KNDC1: variants seen among roughly 807,000 people sequenced by gnomAD.
The protein encoded by KNDC1 is kinase non-catalytic C-lobe domain containing 1.
A neutral mutation model predicts 172.8 loss-of-function variants in KNDC1; 106 were observed. The observed-to-expected ratio is 0.61, with a 90% CI of 0.52 to 0.72. The LOEUF (loss-of-function observed/expected upper bound fraction) is 0.72. Ranked by LOEUF, KNDC1 falls within the 30% of genes least tolerant of loss-of-function variation. KNDC1 has a pLI of 0.00. For synonymous variants in KNDC1, 1,083 were observed against 1,062.2 expected, an observed-to-expected ratio of 1.02 and a Z score of -0.38; for missense variants, 2,325 against 2,394.5, an observed-to-expected ratio of 0.97 and a Z score of 0.61.
intron 10 of KNDC1, 97 bp from the exon 11 acceptor site, chr10:133,196,961 C>A (rs1854209013): frequency 3.2e-6 from 3 of 931,022 alleles, no homozygotes; most frequent in Admixed American, 3.7e-5. Flanking sequence ...ACCCTCCTGG[C>A]AGCCCTGAGC....
intron 3 of KNDC1, among the ~76,000 whole-genome samples, chr10:133,172,857 G>T (rs1324249920): frequency 1.3e-5 from 2 of 152,172 alleles, no homozygotes; most frequent in African/African-American, 4.8e-5. Context: ...TTAAAAATTA[G>T]CCGGGCATGG....
intron 26 of KNDC1, among the ~76,000 whole-genome samples, chr10:133,218,595 G>A (rs553557692): frequency 6.6e-6 from 1 of 152,270 alleles, no homozygotes; most frequent in South Asian, 2.1e-4. Flanking sequence ...AAGTCTTTCC[G>A]CGTATCAGGC....
Position 133,204,829 on chromosome 10 carries a change from G to A in KNDC1, c.3388-1856G>A, listed in dbSNP as rs1056268309. ...ATGAGCCCCTCGGGGCGGTCGCTTC[G>A]GGCCCTGGGCACGTGAACCCCTCAC... On this transcript the variant is annotated intron_variant, in intron 17 of 29. Transcript: ENST00000304613. Among the ~76,000 whole-genome samples, 25 of 152,154 alleles carry A rather than the reference G, an allele frequency of 1.6e-4. No homozygotes were observed. In the East Asian group the frequency reaches 1.7e-3, roughly 11 times the overall value.
At chr10:133,166,857 C>T (rs1045090249) in intron 1 of KNDC1, among the ~76,000 whole-genome samples, 2 of 152,100 alleles carry the variant, frequency 1.3e-5, no homozygotes, top group African/African-American at 4.8e-5. Context: ...GCGGCCGAGC[C>T]ACATGGAGGG....
chr10:133,197,060 G>T lies in KNDC1; in HGVS notation c.1737G>T (p.Val579=). Residue 579 remains valine (V), a splice_region_variant and synonymous_variant, in exon 11 of 30, where the codon GTG becomes GTT. Coordinates refer to ENST00000304613, the MANE Select transcript of KNDC1 (RefSeq NM_152643.8). ...TGTGAACTGTCTCCTCCCTCCAGGT[G>T]TGCGGCAGCTACCTCCTCCAGCGAG... The part of the protein sequence containing the change: ...ERPSAAEAIK[V]CGSYLLQRGM... 6.2e-7 allele frequency: 1 copy of T among 1,612,804 alleles called. No individual in the cohort carries two copies.
At chr10:133,214,674 A>G (rs541959552) in intron 26 of KNDC1, among the ~76,000 whole-genome samples, 37 of 152,286 alleles carry the variant, frequency 2.4e-4, no homozygotes, top group African/African-American at 8.4e-4. Context: ...CCGAATGCTC[A>G]TTGTGGGTTC....
rs1200864778 is a variant in KNDC1, at chr10:133,184,285, T to TGC, written c.625+297_625+298dup. Among the ~76,000 whole-genome samples, 283 of 117,354 alleles carry TGC rather than the reference T, an allele frequency of 2.4e-3. 7 individuals carry two copies. Among genetic ancestry groups the TGC allele is most frequent in the African/African-American group, 6.8e-3 (228 of 33,712 alleles). The allele number at this position is 117,354 out of a possible 152,430, so 77.0% of individuals were successfully genotyped here. A position where few individuals can be genotyped will look rare whatever the true frequency, so the allele number is the denominator to read the frequency against. On this transcript the variant is annotated intron_variant, in intron 5 of 29. Coordinates refer to ENST00000304613, the MANE Select transcript of KNDC1 (RefSeq NM_152643.8). ...TACACACACCCATGCACACACACGC[T>TGC]GCACACACACCCATGCACACACTGC...
chr10:133,198,357 G>A lies in KNDC1; in HGVS notation c.1927G>A (p.Asp643Asn), dbSNP rs761476255. 17 of 1,588,924 alleles carry A rather than the reference G, an allele frequency of 1.1e-5. No homozygotes were observed. Among genetic ancestry groups the A allele is most frequent in the Middle Eastern group, 3.3e-4 (2 of 6,038 alleles). The change falls in exon 13 of 30, where the codon GAC becomes AAC. Residue 643 changes from aspartate (D) to asparagine (N), a missense_variant. By Grantham distance (23) the Asp-to-Asn change is conservative (BLOSUM62 1). Coordinates refer to ENST00000304613, the MANE Select transcript of KNDC1 (RefSeq NM_152643.8). ...PSPGFLPVNS[D>N]TGLVAVPGPV... The stretch of plus-strand genomic sequence containing the variant: ...CCCAGGCTTCCTGCCGGTGAACAGC[G>A]ACACCGGGCTTGTGGCTGTGCCAGG...
chr10:133,221,733 A>G (rs1387164367), intron 29 of KNDC1, among the ~76,000 whole-genome samples: 1 of 152,238 alleles, frequency 6.6e-6, no homozygotes, highest in African/African-American at 2.4e-5. Flanking sequence ...CCATAAATGT[A>G]TGCTTATCGT....
chr10:133,196,977 C>A, intron 10 of KNDC1, 81 bp from the exon 11 acceptor site: 2 of 1,150,586 alleles, frequency 1.7e-6, no homozygotes, highest in Non-Finnish European at 1.3e-6. Flanking sequence ...TGAGCTTTTT[C>A]AGATGGGGAC....
chr10:133,185,554 G>A (rs960288643), intron 5 of KNDC1, among the ~76,000 whole-genome samples: 5 of 152,006 alleles, frequency 3.3e-5, no homozygotes, highest in African/African-American at 9.7e-5. Flanking sequence ...AGAGATCAAC[G>A]CCGTGTGTGG....
At chr10:133,168,356 C>A in intron 3 of KNDC1, 44 bp downstream of exon 3, 1 of 1,559,728 alleles carries the variant, frequency 6.4e-7, no homozygotes. Context: ...CCTTTTACCT[C>A]TATGGTGGCC....
chr10:133,209,358 G>A lies in KNDC1; in HGVS notation c.3795-1253G>A, dbSNP rs1845303800. Among the ~76,000 whole-genome samples, 1 of 151,096 alleles carries A rather than the reference G, an allele frequency of 6.6e-6. No individual in the cohort carries two copies. Among genetic ancestry groups the A allele is most frequent in the African/African-American group, 2.4e-5 (1 of 40,916 alleles). ...CTGTGCGGTGTGGGGTATAGTGTGTGCACATGTGGTGTGAGGTATAGTGTG... is the reference window on the plus strand; with the variant it reads ...CTGTGCGGTGTGGGGTATAGTGTGTACACATGTGGTGTGAGGTATAGTGTG... On this transcript the variant is annotated intron_variant, in intron 20 of 29. Coordinates refer to ENST00000304613, the MANE Select transcript of KNDC1 (RefSeq NM_152643.8). The surrounding 1 kb of genome is among the most constrained non-coding windows in gnomAD (Gnocchi z 4.9).
intron 26 of KNDC1, among the ~76,000 whole-genome samples, chr10:133,216,946 C>T (rs1444045087): frequency 1.3e-5 from 2 of 152,242 alleles, no homozygotes; most frequent in Admixed American, 6.5e-5. Flanking sequence ...GGACAGTGGA[C>T]GGCTCCACGT....
rs1333539212 is a variant in KNDC1 at position 133,183,934 on chromosome 10, CCT to C, written c.575_576del (p.Ser192CysfsTer44). 6.2e-7 allele frequency: 1 copy of C among 1,604,292 alleles called. No homozygotes were observed. The highest frequency in any genetic ancestry group is 8.5e-7 in the Non-Finnish European group (1 of 1,172,728). On this transcript the variant is annotated frameshift_variant, in exon 5 of 30. Coordinates refer to ENST00000304613, the MANE Select transcript of KNDC1 (RefSeq NM_152643.8). LOFTEE classifies it high-confidence loss of function. ...CATCCTCCTGTCGCGTGTGCCGGAG[CCT>C]CTCTGCTGTGGGGAGGAGGGTCCTC... ...LTSSCRVCRS[L>X]SAVGRRVLSI... is the part of the protein sequence containing the mutation.
intron 11 of KNDC1, 37 bp downstream of exon 11, chr10:133,197,172 G>A (rs752412194): frequency 4.0e-5 from 61 of 1,527,112 alleles, no homozygotes; most frequent in Non-Finnish European, 5.2e-5. Context: ...CTCCTCCGCC[G>A]CGCTTAGCTT....
intron 3 of KNDC1, among the ~76,000 whole-genome samples, chr10:133,177,810 TGCATGTTTGTGGTGTAA>T (rs1195307698): frequency 1.4e-4 from 22 of 152,220 alleles, no homozygotes; most frequent in African/African-American, 5.1e-4. Context: ...CTATGGTGTG[TGCATGTTTGTGGTGTAA>T]TGTGTGCGTG....
At position 133,207,206 on chromosome 10, in the gene KNDC1, C is replaced by A; in HGVS notation, c.3649C>A (p.Pro1217Thr). 1 of 1,612,124 alleles carries A rather than the reference C, an allele frequency of 6.2e-7. No individual in the cohort carries two copies. Among genetic ancestry groups the A allele is most frequent in the South Asian group, 1.1e-5 (1 of 91,018 alleles). The change falls in exon 20 of 30, where the codon CCC (proline) becomes ACC (threonine). Residue 1217 changes from proline (P) to threonine (T), a missense_variant. Physicochemically the swap from Pro to Thr is conservative, Grantham distance 38. Transcript: ENST00000304613. ...AGTGATCGTGAACATCGCGGCCGCACCCTGCGACACGCTGGACTTCAGCCC... is the reference window on the plus strand; with the variant it reads ...AGTGATCGTGAACATCGCGGCCGCAACCTGCGACACGCTGGACTTCAGCCC... Reference protein sequence around the residue: ...LPVIVNIAAAPCDTLDFSPLD... With the variant: ...LPVIVNIAAATCDTLDFSPLD...
intron 5 of KNDC1, among the ~76,000 whole-genome samples, chr10:133,184,663 A>G (rs1430708402): frequency 6.6e-6 from 1 of 152,034 alleles, no homozygotes; most frequent in Non-Finnish European, 1.5e-5. Context: ...TGCTGGTCCT[A>G]TGCACACACC....
Sources: gnomAD v4.1 joint callset for allele counts (sites outside exome capture counted in the v4.1 genomes callset) on GRCh38, gnomAD v4.1.1 for gene constraint, Gnocchi (gnomAD v3.1) non-coding constraint, MANE v1.5 for transcripts, NCBI Gene and HGNC (gene_info 2026-07-23, HGNC 2026-07-21) for gene names.